RAD54L2: variants seen among roughly 807,000 people sequenced by gnomAD.
RAD54L2 encodes the protein RAD54 like 2.
In RAD54L2, 27 loss-of-function variants were observed where a neutral mutation model predicts 138.4. The ratio of observed to expected loss-of-function variants is 0.20; its 90% CI spans 0.14 to 0.27. The LOEUF (loss-of-function observed/expected upper bound fraction) is 0.27, where lower values mean the gene tolerates loss of function less well. RAD54L2 is among the 10% of genes least tolerant of loss of function. The pLI is 1.00. For synonymous variants in RAD54L2, 644 were observed against 723.2 expected (o/e 0.89, Z 1.76); for missense variants, 1,396 against 1,890.2 (o/e 0.74, Z 4.85).
At chr3:51,551,997 T>C (rs1698851250) in intron 2 of RAD54L2, among the ~76,000 whole-genome samples, 1 of 151,616 alleles carries the variant, frequency 6.6e-6, no homozygotes, top group African/African-American at 2.4e-5. Context: ...TGATCTGCCC[T>C]CTTCAGCCTC....
At chr3:51,610,540 A>T (rs926309645) in intron 3 of RAD54L2, among the ~76,000 whole-genome samples, 10 of 151,348 alleles carry the variant, frequency 6.6e-5, no homozygotes, top group African/African-American at 2.4e-4. Context: ...CAGAGGTTGC[A>T]GTAAGCAGAG....
At position 51,646,445 on chromosome 3, in the gene RAD54L2, G is replaced by A. The variant is rs79918620; in HGVS notation, c.2990G>A (p.Ser997Asn). The A allele has an allele frequency of 2.1e-3, 3,356 of 1,612,498 alleles. 10 individuals are homozygous for A. The highest frequency in any genetic ancestry group is 2.4e-3 in the Non-Finnish European group (2,850 of 1,179,094). Residue 997 changes from serine (S) to asparagine (N), a missense_variant, in exon 19 of 23, where the codon AGC becomes AAC. Coordinates refer to ENST00000684192, the MANE Select transcript of RAD54L2 (RefSeq NM_015106.4). ...YAQYYPASDQ[S>N]LTSIPAFSQR... Reference sequence around the variant, plus strand: ...CAGTATTACCCTGCCAGCGATCAGAGCCTGACCAGCATCCCCGCCTTCAGC... The same window carrying A: ...CAGTATTACCCTGCCAGCGATCAGAACCTGACCAGCATCCCCGCCTTCAGC...
chr3:51,634,131 A>T, intron 9 of RAD54L2, 96 bp downstream of exon 9: 1 of 1,430,526 alleles, frequency 7.0e-7, no homozygotes, highest in South Asian at 1.4e-5. Flanking sequence ...TAGCCTGTGC[A>T]TCTAGATTTG....
intron 2 of RAD54L2, among the ~76,000 whole-genome samples, chr3:51,553,378 A>T (rs1698890439): frequency 6.6e-6 from 1 of 152,182 alleles, no homozygotes; most frequent in South Asian, 2.1e-4. Context: ...ACCCAGCTTA[A>T]CTTTGGTTTT....
intron 2 of RAD54L2, among the ~76,000 whole-genome samples, chr3:51,547,983 C>A (rs1698740071): frequency 6.6e-6 from 1 of 151,978 alleles, no homozygotes; most frequent in Non-Finnish European, 1.5e-5. Flanking sequence ...CCTCTGCCTC[C>A]TGCGTTCAAG....
At chr3:51,630,208 T>G in intron 5 of RAD54L2, 64 bp from the exon 6 acceptor site, 2 of 1,294,844 alleles carry the variant, frequency 1.5e-6, no homozygotes, top group South Asian at 2.4e-5. Context: ...GTGAATTGTT[T>G]TGGGAAATAT....
intron 3 of RAD54L2, among the ~76,000 whole-genome samples, chr3:51,608,185 C>T (rs1427653130): frequency 6.9e-6 from 1 of 145,722 alleles, no homozygotes; most frequent in Non-Finnish European, 1.5e-5. Flanking sequence ...TCAGTTCCCA[C>T]ACGGGGTCGC....
intron 22 of RAD54L2, among the ~76,000 whole-genome samples, chr3:51,661,748 T>A (rs1701781508): frequency 6.6e-6 from 1 of 152,234 alleles, no homozygotes; most frequent in African/African-American, 2.4e-5. Context: ...GCACCTAGAT[T>A]TAATGATGGT....
Position 51,662,938 on chromosome 3 carries a change from C to A in RAD54L2, c.3922C>A (p.Pro1308Thr). ...PVSLNHNLTT[P>T]FTSQAGENSL... ...CTCCTTAAACCATAACCTCACCACC[C>A]CCTTCACCTCCCAGGCTGGGGAGAA... Residue 1308 changes from proline to threonine, a missense_variant, in exon 23 of 23, where the codon CCC becomes ACC. Physicochemically the swap from Pro to Thr is conservative, Grantham distance 38. Transcript: ENST00000684192. The surrounding 1 kb of genome is among the most constrained non-coding windows in gnomAD (Gnocchi z 4.6). The A allele has an allele frequency of 6.2e-7, 1 of 1,613,922 alleles. No individual in the cohort carries two copies. The highest frequency in any genetic ancestry group is 1.1e-5 in the South Asian group (1 of 91,072).
intron 10 of RAD54L2, 104 bp downstream of exon 10, chr3:51,635,893 A>G (rs752007863): frequency 8.1e-7 from 1 of 1,236,124 alleles, no homozygotes; most frequent in South Asian, 1.7e-5. Context: ...ATTGATGTGA[A>G]TTGTTATCAT....
intron 19 of RAD54L2, among the ~76,000 whole-genome samples, chr3:51,648,520 A>T (rs562620752): frequency 1.3e-5 from 2 of 152,326 alleles, no homozygotes; most frequent in East Asian, 3.9e-4. Context: ...ACCCCCATGT[A>T]GCCTAACTGG....
Position 51,638,529 on chromosome 3 carries a change from A to G in RAD54L2, c.1860+208A>G, listed in dbSNP as rs1668417143. ...CCTGGGGGTGCCATTCACACAGTGT[A>G]ATATAACTGATGCCCCCTGCAGTGT... On this transcript the variant is annotated intron_variant, in intron 12 of 22. Transcript: ENST00000684192. This position sits in a 1 kb window ranked among gnomAD's most constrained non-coding sequence, Gnocchi z 4.3. The G allele has an allele frequency of 1.7e-6, 1 of 577,466 alleles. No individual in the cohort carries two copies. The highest frequency in any genetic ancestry group is 3.0e-6 in the Non-Finnish European group (1 of 329,068). 35.8% of individuals were successfully genotyped at this position (577,466 alleles called of 1,614,324 possible).
intron 3 of RAD54L2, among the ~76,000 whole-genome samples, chr3:51,601,968 T>C (rs1700092238): frequency 6.6e-6 from 1 of 151,672 alleles, no homozygotes; most frequent in Admixed American, 6.6e-5. Context: ...GTTGCCAGGA[T>C]TGTAGGCGCC....
chr3:51,551,023 G>A (rs558648171), intron 2 of RAD54L2, among the ~76,000 whole-genome samples: 4 of 152,278 alleles, frequency 2.6e-5, no homozygotes, highest in Admixed American at 6.5e-5. Context: ...CTCCAGCCTA[G>A]GTGATAGTCA....
chr3:51,565,108 C>T (rs1284770614), intron 2 of RAD54L2, among the ~76,000 whole-genome samples: 1 of 152,112 alleles, frequency 6.6e-6, no homozygotes, highest in Admixed American at 6.6e-5. Context: ...GGGAAGCCTG[C>T]ATGAGTTGCT....
intron 3 of RAD54L2, among the ~76,000 whole-genome samples, chr3:51,601,541 C>T (rs192242006): frequency 3.1e-4 from 46 of 148,036 alleles, no homozygotes; most frequent in South Asian, 1.1e-3. Flanking sequence ...CTTGTGACCT[C>T]GTGATCCGCC....
At chr3:51,652,686 C>T (rs1370997043) in intron 19 of RAD54L2, among the ~76,000 whole-genome samples, 2 of 152,138 alleles carry the variant, frequency 1.3e-5, no homozygotes, top group Non-Finnish European at 2.9e-5. Flanking sequence ...GGAAAGGATT[C>T]CCTATTTAAT....
intron 10 of RAD54L2, 198 bp from the exon 11 acceptor site, chr3:51,636,963 A>G (rs1307408978): frequency 8.4e-6 from 5 of 595,240 alleles, no homozygotes; most frequent in Admixed American, 5.9e-5. Flanking sequence ...CAACTGCCAG[A>G]TTAGCATTCA....
At position 51,646,342 on chromosome 3, in the gene RAD54L2, G is replaced by A. The variant is rs1331833482; in HGVS notation, c.2887G>A (p.Ala963Thr). The change falls in exon 19 of 23, where the codon GCT (alanine) becomes ACT (threonine). Residue 963 changes from alanine to threonine, a missense_variant. Ala to Thr is a moderately conservative substitution (Grantham distance 58). Around this residue, in one of 7 missense-constraint regions of RAD54L2, gnomAD observed 634 missense variants for 711.2 expected, o/e 0.89. Coordinates refer to ENST00000684192, the MANE Select transcript of RAD54L2 (RefSeq NM_015106.4). ...CCGAAAGGATCACAAGCTAACCAAG[G>A]CTGAGAAAAAAGCAGCAAAGAAAAG... ...LNRKDHKLTK[A>T]EKKAAKKSYE... 7 of 1,609,814 alleles carry A rather than the reference G, an allele frequency of 4.3e-6. No individual in the cohort carries two copies. Among genetic ancestry groups the A allele is most frequent in the Non-Finnish European group, 5.1e-6 (6 of 1,178,138 alleles).
Sources: gnomAD v4.1 joint callset for allele counts (sites outside exome capture counted in the v4.1 genomes callset) on GRCh38, gnomAD v4.1.1 for gene constraint, gnomAD v4.1.1 regional missense constraint, Gnocchi (gnomAD v3.1) non-coding constraint, MANE v1.5 for transcripts, NCBI Gene and HGNC (gene_info 2026-07-23, HGNC 2026-07-21) for gene names.